CAMK1D: variants seen among roughly 807,000 people sequenced by gnomAD.
CAMK1D encodes calcium/calmodulin-dependent protein kinase type 1D.
A neutral mutation model predicts 47.7 loss-of-function variants in CAMK1D; 9 were observed. That is an observed-to-expected ratio of 0.19 (90% CI 0.11 to 0.33). CAMK1D has a LOEUF of 0.33. CAMK1D is among the 10% of genes least tolerant of loss of function. The probability of loss-of-function intolerance (pLI) is 1.00; values close to 1 mark genes in which losing one functional copy is unlikely to be tolerated. For missense variants in CAMK1D, 291 were observed against 488.7 expected (o/e 0.60, Z 3.81); for synonymous variants, 184 against 184.9 (o/e 0.99, Z 0.04).
intron 1 of CAMK1D, among the ~76,000 whole-genome samples, chr10:12,471,457 G>A (rs1259271298): frequency 2.0e-5 from 3 of 152,050 alleles, no homozygotes; most frequent in Admixed American, 1.3e-4. Flanking sequence ...TACACATCAG[G>A]TGACCATGTG....
intron 2 of CAMK1D, among the ~76,000 whole-genome samples, chr10:12,665,179 G>A (rs1840390462): frequency 6.6e-6 from 1 of 152,204 alleles, no homozygotes; most frequent in Admixed American, 6.5e-5. Context: ...GAATCAGGTG[G>A]AAGGTGAATT....
intron 5 of CAMK1D, among the ~76,000 whole-genome samples, chr10:12,777,050 TG>T (rs1357790780): frequency 6.6e-6 from 1 of 152,152 alleles, no homozygotes; most frequent in African/African-American, 2.4e-5. Context: ...AGAGAATCCT[TG>T]AGTAATGAGG....
chr10:12,681,949 G>T (rs1292021431), intron 3 of CAMK1D, among the ~76,000 whole-genome samples: 3 of 152,260 alleles, frequency 2.0e-5, no homozygotes, highest in Non-Finnish European at 2.9e-5. Flanking sequence ...GCTGGGTGCG[G>T]TGGCTCACGC....
chr10:12,645,747 A>G (rs1194262075), intron 2 of CAMK1D, among the ~76,000 whole-genome samples: 2 of 152,218 alleles, frequency 1.3e-5, no homozygotes, highest in Non-Finnish European at 2.9e-5. Flanking sequence ...AACAAAGGAA[A>G]GAGAGTTGGA....
At chr10:12,650,073 C>T (rs898976295) in intron 2 of CAMK1D, among the ~76,000 whole-genome samples, 1 of 152,200 alleles carries the variant, frequency 6.6e-6, no homozygotes, top group South Asian at 2.1e-4. Context: ...AGGATAAAAC[C>T]CGCACAGGTG....
intron 1 of CAMK1D, among the ~76,000 whole-genome samples, chr10:12,419,447 C>T (rs936915659): frequency 2.0e-5 from 3 of 152,076 alleles, no homozygotes; most frequent in East Asian, 1.9e-4. Flanking sequence ...GAAATACACG[C>T]GATAACCAGA....
chr10:12,706,323 C>T (rs1833723598), intron 3 of CAMK1D, among the ~76,000 whole-genome samples: 1 of 152,176 alleles, frequency 6.6e-6, no homozygotes, highest in Middle Eastern at 3.2e-3. Flanking sequence ...TTTCAGACCG[C>T]AGTTGACGGC....
At chr10:12,607,086 A>G (rs573704199) in intron 2 of CAMK1D, among the ~76,000 whole-genome samples, 1 of 152,264 alleles carries the variant, frequency 6.6e-6, no homozygotes, top group African/African-American at 2.4e-5. Flanking sequence ...TCGGCCTCCC[A>G]AAGTGCTGGG....
chr10:12,466,898 T>C (rs1833608394), intron 1 of CAMK1D, among the ~76,000 whole-genome samples: 1 of 152,090 alleles, frequency 6.6e-6, no homozygotes, highest in African/African-American at 2.4e-5. Context: ...TTTCAGGGAT[T>C]GTCGTAGCTG....
At chr10:12,542,657 A>G (rs1298747623) in intron 1 of CAMK1D, among the ~76,000 whole-genome samples, 2 of 152,220 alleles carry the variant, frequency 1.3e-5, no homozygotes, top group East Asian at 1.9e-4. Context: ...GTCACAGCAC[A>G]TTGTTCAGAG....
At chr10:12,463,471 TATATC>T (rs1273641846) in intron 1 of CAMK1D, among the ~76,000 whole-genome samples, 2 of 147,750 alleles carry the variant, frequency 1.4e-5, no homozygotes, top group African/African-American at 4.9e-5. Context: ...TATGCATAAA[TATATC>T]ATAGGTTGGT....
intron 1 of CAMK1D, among the ~76,000 whole-genome samples, chr10:12,371,228 T>A (rs894266047): frequency 6.6e-5 from 10 of 151,928 alleles, no homozygotes; most frequent in African/African-American, 2.2e-4. Context: ...GGGTGACTTC[T>A]AGGCCCGGAA....
At chr10:12,512,130 A>T (rs1378913572) in intron 1 of CAMK1D, among the ~76,000 whole-genome samples, 1 of 152,230 alleles carries the variant, frequency 6.6e-6, no homozygotes, top group Non-Finnish European at 1.5e-5. Flanking sequence ...CTAGCATATT[A>T]GAGGTGATAA....
chr10:12,466,806 C>T (rs568318876), intron 1 of CAMK1D, among the ~76,000 whole-genome samples: 1 of 152,036 alleles, frequency 6.6e-6, no homozygotes. Flanking sequence ...AAGGTCGTGG[C>T]GGCAGCTACA....
chr10:12,425,977 C>T (rs910858766), intron 1 of CAMK1D, among the ~76,000 whole-genome samples: 8 of 152,236 alleles, frequency 5.3e-5, no homozygotes, highest in African/African-American at 1.9e-4. Flanking sequence ...AATTCAGGCT[C>T]ACTGGAGAAC....
chr10:12,773,573 G>T (rs574283042), intron 5 of CAMK1D, among the ~76,000 whole-genome samples: 1 of 152,116 alleles, frequency 6.6e-6, no homozygotes, highest in African/African-American at 2.4e-5. Context: ...GGATACAAGG[G>T]CCAAGTGTAC....
intron 1 of CAMK1D, among the ~76,000 whole-genome samples, chr10:12,535,929 G>A (rs193263527): frequency 5.3e-5 from 8 of 152,178 alleles, no homozygotes; most frequent in Admixed American, 4.6e-4. Flanking sequence ...GGCTCAGAGG[G>A]GATAAGTACC....
intron 5 of CAMK1D, among the ~76,000 whole-genome samples, chr10:12,784,245 G>A (rs1837621920): frequency 6.7e-6 from 1 of 149,406 alleles, no homozygotes; most frequent in African/African-American, 2.5e-5. Context: ...TGTTGTCCAG[G>A]CTGGAGTGCA....
At chr10:12,413,156 G>C (rs1039280698) in intron 1 of CAMK1D, among the ~76,000 whole-genome samples, 1 of 152,184 alleles carries the variant, frequency 6.6e-6, no homozygotes, top group Non-Finnish European at 1.5e-5. Context: ...CATCAGCTTG[G>C]TTTCTAGAGA....
Sources: gnomAD v4.1 joint callset for allele counts (sites outside exome capture counted in the v4.1 genomes callset) on GRCh38, gnomAD v4.1.1 for gene constraint, MANE v1.5 for transcripts, NCBI Gene and HGNC (gene_info 2026-07-23, HGNC 2026-07-21) for gene names.